Variants in NLRP7 observed in about 807,000 individuals in gnomAD.
NLRP7 encodes the protein NACHT, LRR and PYD domains-containing protein 7.
NLRP7 carries 72 observed loss-of-function variants against 85.5 expected under a neutral mutation model. That is an observed-to-expected ratio of 0.84 (90% confidence interval 0.70 to 1.02). NLRP7 has a LOEUF of 1.02. Ranked by LOEUF, NLRP7 falls within the 50% of genes least tolerant of loss-of-function variation. NLRP7 has a pLI of 0.00. For synonymous variants in NLRP7, 550 were observed against 505.2 expected, an observed-to-expected ratio of 1.09 and a Z score of -1.19; for missense variants, 1,243 against 1,219.5, an observed-to-expected ratio of 1.02 and a Z score of -0.29.
chr19:54,933,158 T>G (rs2068747560), intron 8 of NLRP7, among the ~76,000 whole-genome samples: 1 of 152,070 alleles, frequency 6.6e-6, no homozygotes, highest in South Asian at 2.1e-4. Context: ...GTTTCTTTGT[T>G]TTTTTGAGAA....
At chr19:54,939,267 C>A (rs760425260) in exon 4 of NLRP7, 2 of 1,614,150 alleles carry the variant, frequency 1.2e-6, no homozygotes, top group South Asian at 2.2e-5. Flanking sequence ...AAGTGTCCTA[C>A]TTGAATCAGG....
chr19:54,944,019 T>C (rs2069358203), intron 1 of NLRP7, among the ~76,000 whole-genome samples: 1 of 152,074 alleles, frequency 6.6e-6, no homozygotes, highest in Non-Finnish European at 1.5e-5. Context: ...CACAATACAC[T>C]GCGGAAGGCT....
chr19:54,962,792 G>A (rs1317524401), intron 1 of NLRP7, among the ~76,000 whole-genome samples: 2 of 149,784 alleles, frequency 1.3e-5, no homozygotes, highest in East Asian at 2.0e-4. Context: ...GTAGAGACGG[G>A]GTTTCACCGT....
At chr19:54,957,048 G>A (rs145879588) in intron 1 of NLRP7, among the ~76,000 whole-genome samples, 1 of 151,576 alleles carries the variant, frequency 6.6e-6, no homozygotes, top group Non-Finnish European at 1.5e-5. Flanking sequence ...TTGAGACAGG[G>A]TCTCCCTCTA....
intron 6 of NLRP7, 50 bp downstream of exon 6, chr19:54,936,211 C>T (rs755803583): frequency 2.6e-6 from 4 of 1,530,540 alleles, no homozygotes; most frequent in Non-Finnish European, 3.6e-6. Flanking sequence ...CCCAGCAACA[C>T]GGTGCAGTGG....
chr19:54,945,443 T>C (rs1025853929), intron 1 of NLRP7, among the ~76,000 whole-genome samples: 2 of 151,104 alleles, frequency 1.3e-5, no homozygotes, highest in Non-Finnish European at 2.9e-5. Context: ...ATTTTTTTTG[T>C]ATTTTTAGTA....
chr19:54,949,304 A>T (rs923873503), upstream of NLRP7, among the ~76,000 whole-genome samples: 3 of 150,392 alleles, frequency 2.0e-5, no homozygotes, highest in East Asian at 5.9e-4. Flanking sequence ...GGCCAGGCGC[A>T]GTGGTTCATG....
At chr19:54,923,519 G>C (rs2068305852) in exon 10 of NLRP7, 3 of 606,486 alleles carry the variant, frequency 4.9e-6, no homozygotes, top group Non-Finnish European at 8.8e-6. Context: ...TGCAACGAGA[G>C]TGCTCTAACT....
At chr19:54,965,847 CG>C (rs1237712143) in intron 1 of NLRP7, among the ~76,000 whole-genome samples, 2 of 88,300 alleles carry the variant, frequency 2.3e-5, no homozygotes, top group East Asian at 6.8e-4. Flanking sequence ...AGCCGGCAGG[CG>C]GAGGCTGCGG....
chr19:54,932,871 G>A (rs558737509), intron 8 of NLRP7, among the ~76,000 whole-genome samples: 7 of 152,074 alleles, frequency 4.6e-5, no homozygotes, highest in African/African-American at 1.4e-4. Context: ...TGGCCAGGCT[G>A]GTCTCGAACC....
chr19:54,927,890 G>A (rs1569539076), intron 9 of NLRP7, 115 bp from the exon 10 acceptor site: 11 of 875,042 alleles, frequency 1.3e-5, no homozygotes, highest in South Asian at 5.3e-5. Flanking sequence ...CCAGGTGTTC[G>A]AGACCAGCCT....
At chr19:54,962,746 C>T (rs1259865442) in intron 1 of NLRP7, among the ~76,000 whole-genome samples, 4 of 149,878 alleles carry the variant, frequency 2.7e-5, no homozygotes, top group South Asian at 2.1e-4. Flanking sequence ...ACTACAGGCG[C>T]CCGCCACCAC....
intron 1 of NLRP7, among the ~76,000 whole-genome samples, chr19:54,945,338 G>A (rs183473062): frequency 9.7e-5 from 14 of 144,664 alleles, no homozygotes; most frequent in Middle Eastern, 4.3e-3. Context: ...GCAATGGTGC[G>A]AGGCTTACCA....
chr19:54,951,130 G>T (rs1033214942), upstream of NLRP7, among the ~76,000 whole-genome samples: 3 of 152,216 alleles, frequency 2.0e-5, no homozygotes, highest in Non-Finnish European at 4.4e-5. Flanking sequence ...TAAGGTCATA[G>T]ATTAACAGCA....
intron 8 of NLRP7, among the ~76,000 whole-genome samples, chr19:54,931,370 A>C (rs1245903022): frequency 6.6e-6 from 1 of 152,152 alleles, no homozygotes; most frequent in Non-Finnish European, 1.5e-5. Flanking sequence ...CAGCCTGGCC[A>C]AAGTGGTGAA....
exon 4 of NLRP7, chr19:54,940,161 G>C (rs766473986): frequency 1.5e-5 from 25 of 1,614,070 alleles, no homozygotes; most frequent in Middle Eastern, 1.6e-4. Flanking sequence ...AAACTGCAGG[G>C]GCCCATGCGG....
At chr19:54,962,087 C>T (rs2070061136) in intron 1 of NLRP7, among the ~76,000 whole-genome samples, 1 of 148,758 alleles carries the variant, frequency 6.7e-6, no homozygotes, top group Non-Finnish European at 1.5e-5. Flanking sequence ...CACAGGAAAC[C>T]GGCAGGCAGA....
intron 1 of NLRP7, among the ~76,000 whole-genome samples, chr19:54,945,712 C>A (rs530100144): frequency 6.6e-6 from 1 of 152,182 alleles, no homozygotes; most frequent in East Asian, 1.9e-4. Flanking sequence ...GATTCTAGTG[C>A]CTCAGCCTCT....
exon 4 of NLRP7, chr19:54,940,202 T>A (rs748135872): frequency 1.2e-6 from 2 of 1,614,072 alleles, no homozygotes; most frequent in Non-Finnish European, 1.7e-6. Flanking sequence ...GTAGAACGCG[T>A]ATCTGAGCGT....
Sources: allele counts gnomAD v4.1 joint callset (sites outside exome capture counted in the v4.1 genomes callset), GRCh38; gene constraint gnomAD v4.1.1; transcripts MANE v1.5; gene names NCBI Gene and HGNC (gene_info 2026-07-23, HGNC 2026-07-21).